Variants in ATRNL1 observed in about 807,000 individuals in gnomAD.
The protein encoded by ATRNL1 is attractin like 1, also known as attractin-like protein 1.
A neutral mutation model predicts 182.7 loss-of-function variants in ATRNL1; 95 were observed. The observed-to-expected ratio is 0.52, with a 90% CI of 0.44 to 0.62. The LOEUF is 0.62. ATRNL1 is among the 20% of genes least tolerant of loss of function. ATRNL1 has a pLI of 0.00. For synonymous variants in ATRNL1, 576 were observed against 568.3 expected (o/e 1.01, Z -0.19); for missense variants, 1,471 against 1,679.5 (o/e 0.88, Z 2.17).
At chr10:115,330,125 AT>A (rs1411418978) in intron 18 of ATRNL1, among the ~76,000 whole-genome samples, 1 of 152,104 alleles carries the variant, frequency 6.6e-6, no homozygotes, top group Non-Finnish European at 1.5e-5. Flanking sequence ...TGATAAGTTA[AT>A]TTTGGTCGGA....
chr10:115,107,392 CT>C (rs1564739566), intron 1 of ATRNL1, among the ~76,000 whole-genome samples: 2 of 152,234 alleles, frequency 1.3e-5, no homozygotes, highest in Non-Finnish European at 2.9e-5. Context: ...AATGTTAAAT[CT>C]GAAAGCTAGA....
rs555793947 is a variant in ATRNL1, at chr10:115,638,041, T to A, written c.3795+88505T>A. ...ACTATACAGTTTTTATAAAGTAGTA[T>A]ACATTAATGTCCTAGGCTTCCACAT... On this transcript the variant is annotated intron_variant, in intron 26 of 28. Coordinates refer to ENST00000355044, the MANE Select transcript of ATRNL1 (RefSeq NM_207303.4). Among the ~76,000 whole-genome samples the A allele has an allele frequency of 2.0e-5, 3 of 152,304 alleles. No homozygotes were observed. The East Asian group carries it at 5.8e-4, about 29-fold the overall frequency.
chr10:115,639,557 A>G (rs1172257110), intron 26 of ATRNL1, among the ~76,000 whole-genome samples: 1 of 152,204 alleles, frequency 6.6e-6, no homozygotes, highest in Non-Finnish European at 1.5e-5. Flanking sequence ...AAAGTTGAGA[A>G]GGTAAAGGTA....
chr10:115,393,715 A>G (rs537746285), intron 19 of ATRNL1, among the ~76,000 whole-genome samples: 2 of 152,252 alleles, frequency 1.3e-5, no homozygotes, highest in South Asian at 2.1e-4. Context: ...GTGGATGACA[A>G]TACTTTGTGG....
chr10:115,661,914 C>T, intron 26 of ATRNL1, among the ~76,000 whole-genome samples: 1 of 120,350 alleles, frequency 8.3e-6, no homozygotes, highest in South Asian at 3.6e-4. Flanking sequence ...AATGCTATCC[C>T]TCCCCCCTCC....
At chr10:115,696,550 T>C (rs1946565524) in intron 26 of ATRNL1, among the ~76,000 whole-genome samples, 1 of 152,166 alleles carries the variant, frequency 6.6e-6, no homozygotes, top group Admixed American at 6.5e-5. Context: ...CTAGATCAAA[T>C]TATATTTTTG....
intron 27 of ATRNL1, among the ~76,000 whole-genome samples, chr10:115,783,799 G>A (rs573059519): frequency 6.6e-6 from 1 of 152,214 alleles, no homozygotes; most frequent in African/African-American, 2.4e-5. Context: ...CAGATCATGA[G>A]GTCAAGAGAT....
chr10:115,336,138 G>C (rs1461050937), intron 19 of ATRNL1, among the ~76,000 whole-genome samples: 1 of 152,110 alleles, frequency 6.6e-6, no homozygotes, highest in Non-Finnish European at 1.5e-5. Flanking sequence ...AATATTTAAT[G>C]CACAAAGAAG....
chr10:115,652,412 A>G (rs1860069583), intron 26 of ATRNL1, among the ~76,000 whole-genome samples: 1 of 152,122 alleles, frequency 6.6e-6, no homozygotes, highest in Non-Finnish European at 1.5e-5. Flanking sequence ...TGCACTGACC[A>G]GTAATAATAA....
chr10:115,549,394 C>G, intron 25 of ATRNL1, 64 bp from the exon 26 acceptor site: 1 of 1,181,788 alleles, frequency 8.5e-7, no homozygotes, highest in Middle Eastern at 2.4e-4. Flanking sequence ...CTTTCATGTA[C>G]TGTTTTTTCA....
At chr10:115,826,686 G>A (rs565827819) in intron 27 of ATRNL1, among the ~76,000 whole-genome samples, 7 of 152,232 alleles carry the variant, frequency 4.6e-5, no homozygotes, top group South Asian at 2.1e-4. Context: ...AAAAGCTCTC[G>A]ACAGTGAGTG....
intron 26 of ATRNL1, among the ~76,000 whole-genome samples, chr10:115,600,929 CTTTTTTTT>C (rs58476140): frequency 5.4e-5 from 7 of 129,878 alleles, no homozygotes; most frequent in African/African-American, 5.4e-5. Context: ...TTTTTATTTT[CTTTTTTTT>C]TTTTTTTTTT....
intron 8 of ATRNL1, among the ~76,000 whole-genome samples, chr10:115,188,359 T>C (rs1848036917): frequency 6.6e-6 from 1 of 152,178 alleles, no homozygotes; most frequent in African/African-American, 2.4e-5. Context: ...TTGTCCTTTT[T>C]TGTTATACTT....
At chr10:115,313,948 T>C (rs1854165628) in intron 17 of ATRNL1, among the ~76,000 whole-genome samples, 1 of 152,184 alleles carries the variant, frequency 6.6e-6, no homozygotes. Flanking sequence ...TAGTTAACAA[T>C]ACTGTGGGCT....
Position 115,281,338 on chromosome 10 carries a change from C to G in ATRNL1, c.2101-17C>G. ...CTGTACAAAGGTGAAAAATAACATGCTCTTTTAATTTTGTAGTCTGTCAAG... is the reference window on the plus strand; with the variant it reads ...CTGTACAAAGGTGAAAAATAACATGGTCTTTTAATTTTGTAGTCTGTCAAG... On this transcript the variant is annotated splice_polypyrimidine_tract_variant and intron_variant, in intron 13 of 28. Transcript: ENST00000355044. 3 of 1,602,490 alleles carry G rather than the reference C, an allele frequency of 1.9e-6. No homozygotes were observed. Among genetic ancestry groups the G allele is most frequent in the Non-Finnish European group, 2.6e-6 (3 of 1,174,580 alleles).
chr10:115,762,782 C>G (rs966334882), intron 27 of ATRNL1, among the ~76,000 whole-genome samples: 1 of 152,004 alleles, frequency 6.6e-6, no homozygotes, highest in African/African-American at 2.4e-5. Context: ...AGTTAATCAT[C>G]AACATAATTA....
intron 18 of ATRNL1, among the ~76,000 whole-genome samples, chr10:115,328,293 A>G (rs375074135): frequency 6.6e-5 from 10 of 152,108 alleles, no homozygotes; most frequent in Non-Finnish European, 1.2e-4. Flanking sequence ...AATTGTCACT[A>G]TGTTAAATTG....
chr10:115,462,178 T>TAG, intron 22 of ATRNL1, 143 bp downstream of exon 22: 1 of 502,540 alleles, frequency 2.0e-6, no homozygotes, highest in Non-Finnish European at 3.4e-6. Context: ...TTTTCTCTCT[T>TAG]CGTGATTCAA....
At chr10:115,260,484 T>A (rs2133868396) in intron 10 of ATRNL1, among the ~76,000 whole-genome samples, 1 of 152,360 alleles carries the variant, frequency 6.6e-6, no homozygotes, top group South Asian at 2.1e-4. Flanking sequence ...GAGGTCAACA[T>A]GTCCTTCTTA....
Sources: gnomAD v4.1 joint callset for allele counts (sites outside exome capture counted in the v4.1 genomes callset) on GRCh38, gnomAD v4.1.1 for gene constraint, MANE v1.5 for transcripts, NCBI Gene and HGNC (gene_info 2026-07-23, HGNC 2026-07-21) for gene names.